Variants in SLFNL1 observed in about 807,000 individuals in gnomAD.
SLFNL1 encodes schlafen-like protein 1.
A neutral mutation model predicts 32.5 loss-of-function variants in SLFNL1; 26 were observed. The observed-to-expected ratio is 0.80, with a 90% CI of 0.59 to 1.11. The LOEUF is 1.11. Ranked by LOEUF, SLFNL1 falls within the 50% of genes least tolerant of loss-of-function variation. The pLI is 0.00. For missense variants in SLFNL1, 553 were observed against 546.5 expected, an observed-to-expected ratio of 1.01 and a Z score of -0.12; for synonymous variants, 255 against 242.2, an observed-to-expected ratio of 1.05 and a Z score of -0.49.
At chr1:41,021,431 A>T (rs1643825492) in intron 1 of SLFNL1, 192 bp downstream of exon 1, 1 of 152,586 alleles carries the variant, frequency 6.6e-6, no homozygotes, top group African/African-American at 2.4e-5. Context: ...CGAGGGTTAG[A>T]GTTGGGGCCC....
chr1:41,017,743 C>T lies in SLFNL1; in HGVS notation c.849G>A (p.Leu283=), dbSNP rs1309867797. 1 of 1,606,378 alleles carries T rather than the reference C, an allele frequency of 6.2e-7. No homozygotes were observed. Among genetic ancestry groups the T allele is most frequent in the Non-Finnish European group, 8.5e-7 (1 of 1,175,044 alleles). Residue 283 remains leucine, a synonymous_variant, in exon 4 of 6, where the codon CTG becomes CTA. Coordinates refer to ENST00000302946, the MANE Select transcript of SLFNL1 (RefSeq NM_144990.4). This position sits in a 1 kb window ranked among gnomAD's most constrained non-coding sequence, Gnocchi z 4.9. ...AGCCCTGCAGGATGGAGTCCACCAGCAGGCGTGCGCGGTCCTCGTCACGGT... is the reference window on the plus strand; with the variant it reads ...AGCCCTGCAGGATGGAGTCCACCAGTAGGCGTGCGCGGTCCTCGTCACGGT... The part of the protein sequence containing the change: ...CSHRDEDRAR[L]LVDSILQGFK...
In SLFNL1 at chr1:41,017,352, G is replaced by T. The variant is rs371877920; in HGVS notation, c.983C>A (p.Pro328His). Residue 328 changes from proline to histidine, a missense_variant, in exon 5 of 6, where the codon CCC becomes CAC. Pro to His is a moderately conservative substitution (Grantham distance 77). Transcript: ENST00000302946. This position sits in a 1 kb window ranked among gnomAD's most constrained non-coding sequence, Gnocchi z 4.9. ...GAGTTGCGGCTGGCTCTGGGCCTTG[G>T]GGGTGTGCACGGTCAGGCGGATCAC... ...LKVIRLTVHT[P>H]KAQSQPQLYQ... 6.2e-7 allele frequency: 1 copy of T among 1,613,770 alleles called. No homozygotes were observed. Among genetic ancestry groups the T allele is most frequent in the Non-Finnish European group, 8.5e-7 (1 of 1,179,932 alleles).
Position 41,017,740 on chromosome 1 carries a change from C to T in SLFNL1, c.852G>A (p.Leu284=), listed in dbSNP as rs754495740. 3.7e-6 allele frequency: 6 copies of T among 1,606,190 alleles called. No individual in the cohort carries two copies. The highest frequency in any genetic ancestry group is 2.7e-5 in the African/African-American group (2 of 74,808). ...SHRDEDRARL[L]VDSILQGFKP... ...TGAAGCCCTGCAGGATGGAGTCCAC[C>T]AGCAGGCGTGCGCGGTCCTCGTCAC... Residue 284 remains leucine, a synonymous_variant, in exon 4 of 6, where the codon CTG becomes CTA. Transcript: ENST00000302946. This position sits in a 1 kb window ranked among gnomAD's most constrained non-coding sequence, Gnocchi z 4.9.
chr1:41,020,106 G>A, intron 3 of SLFNL1, 120 bp downstream of exon 3: 1 of 1,042,826 alleles, frequency 9.6e-7, no homozygotes, highest in Non-Finnish European at 1.4e-6. Context: ...CCCCAAGTTT[G>A]CAGATTTGTC....
chr1:41,019,992 T>C (rs1210178944), intron 3 of SLFNL1, among the ~76,000 whole-genome samples: 1 of 152,240 alleles, frequency 6.6e-6, no homozygotes, highest in Non-Finnish European at 1.5e-5. Context: ...GGTCCCCTCG[T>C]GGCCTTTCTT....
In SLFNL1 at chr1:41,017,803, C is replaced by T. The variant is rs751943831; in HGVS notation, c.789G>A (p.Glu263=). The T allele has an allele frequency of 2.5e-6, 4 of 1,601,554 alleles. No homozygotes were observed. The highest frequency in any genetic ancestry group is 2.2e-5 in the East Asian group (1 of 44,594). Reference sequence around the variant, plus strand: ...GGATGCCCTGCACCAGGCCGCTGTCCTCTACTCCCACGAGCAGGCTGCCGC... The same window carrying T: ...GGATGCCCTGCACCAGGCCGCTGTCTTCTACTCCCACGAGCAGGCTGCCGC... ...SEGGSLLVGV[E]DSGLVQGIRC... is the part of the protein sequence containing the mutation. The change falls in exon 4 of 6, where the codon GAG becomes GAA. Residue 263 remains glutamate, a synonymous_variant. Coordinates refer to ENST00000302946, the MANE Select transcript of SLFNL1 (RefSeq NM_144990.4). The surrounding 1 kb of genome is among the most constrained non-coding windows in gnomAD (Gnocchi z 4.9).
Position 41,018,075 on chromosome 1 carries a change from T to C in SLFNL1, c.517A>G (p.Thr173Ala). ...GSGVPLPTWP[T>A]HTLPDRPQAQ... ...TGGGGCCTATCAGGCAGCGTGTGTG[T>C]AGGCCAGGTGGGCAGCGGGACACCA... The change falls in exon 4 of 6, where the codon ACA becomes GCA. Residue 173 changes from threonine (T) to alanine (A), a missense_variant. Thr to Ala is a moderately conservative substitution (Grantham distance 58). Transcript: ENST00000302946. 1 of 1,572,938 alleles carries C rather than the reference T, an allele frequency of 6.4e-7. No individual in the cohort carries two copies. The highest frequency in any genetic ancestry group is 1.8e-5 in the Admixed American group (1 of 55,482).
chr1:41,016,183 G>A lies in SLFNL1; in HGVS notation c.1147C>T (p.Leu383=). 6.2e-7 allele frequency: 1 copy of A among 1,614,148 alleles called. No homozygotes were observed. The highest frequency in any genetic ancestry group is 8.5e-7 in the Non-Finnish European group (1 of 1,180,016). Residue 383 remains leucine, a synonymous_variant, in exon 6 of 6, where the codon CTG becomes TTG. Coordinates refer to ENST00000302946, the MANE Select transcript of SLFNL1 (RefSeq NM_144990.4). ...TGGAGCTGCTCCTTCTCCATCATCAGCGCCTTCATCTTCTCTTCCAGCTTG... is the reference window on the plus strand; with the variant it reads ...TGGAGCTGCTCCTTCTCCATCATCAACGCCTTCATCTTCTCTTCCAGCTTG... The part of the protein sequence containing the change: ...LGKLEEKMKA[L]MMEKEQLQQQ...
At chr1:41,016,355 A>G (rs1034170019) in intron 5 of SLFNL1, 127 bp from the exon 6 acceptor site, 30 of 1,426,190 alleles carry the variant, frequency 2.1e-5, no homozygotes, top group Non-Finnish European at 2.0e-5. Flanking sequence ...CAGCTAGGGG[A>G]AAAGTCAGGC....
intron 3 of SLFNL1, chr1:41,018,444 T>G (rs756786133): frequency 1.9e-5 from 7 of 374,110 alleles, no homozygotes; most frequent in Non-Finnish European, 2.9e-5. Context: ...GATTTCTGCT[T>G]CTCAGGGCTG....
intron 3 of SLFNL1, chr1:41,018,478 ATTTTTTCT>A: frequency 3.7e-6 from 1 of 272,264 alleles, no homozygotes; most frequent in Non-Finnish European, 6.9e-6. Context: ...GTGTGGGCCC[ATTTTTTCT>A]TACTTGGGTT....
At position 41,020,382 on chromosome 1, in the gene SLFNL1, A is replaced by T; in HGVS notation, c.279T>A (p.Tyr93Ter). 1 of 1,613,322 alleles carries T rather than the reference A, an allele frequency of 6.2e-7. No homozygotes were observed. The highest frequency in any genetic ancestry group is 8.5e-7 in the Non-Finnish European group (1 of 1,180,028). The change falls in exon 3 of 6, where the codon TAT becomes TAA. Residue 93 changes from tyrosine to a stop codon, truncating the protein, a stop_gained. Transcript: ENST00000302946. LOFTEE classifies it high-confidence loss of function. The part of the protein sequence containing the change: ...IEVVRRPRKA[Y>*]ALVQVTVHRD... ...TGTGGACAGTCACCTGCACCAGTGC[A>T]TAGGCCTTCCGCGGCCGCCTCACCA... is the stretch of plus-strand genomic sequence containing the variant.
At chr1:41,016,289 C>G in intron 5 of SLFNL1, 61 bp from the exon 6 acceptor site, 12 of 1,568,510 alleles carry the variant, frequency 7.7e-6, no homozygotes, top group Middle Eastern at 1.7e-4. Flanking sequence ...TGTCCGTCCT[C>G]CACCTGGGGC....
In SLFNL1 at chr1:41,018,049, C is replaced by T. The variant is rs765302179; in HGVS notation, c.543G>A (p.Gln181=). The T allele has an allele frequency of 6.3e-7, 1 of 1,591,474 alleles. No homozygotes were observed. ...CCTGGCAGCTCTGCAGCTGCTGGGC[C>T]TGGGGCCTATCAGGCAGCGTGTGTG... ...WPTHTLPDRP[Q]AQQLQSCQGR... Residue 181 remains glutamine (Q), a synonymous_variant, in exon 4 of 6, where the codon CAG becomes CAA. Transcript: ENST00000302946.
intron 1 of SLFNL1, 155 bp from the exon 2 acceptor site, chr1:41,021,025 C>T (rs1303865720): frequency 4.3e-6 from 1 of 232,406 alleles, no homozygotes; most frequent in Non-Finnish European, 8.6e-6. Flanking sequence ...CCCTCCCCAA[C>T]CCACAGGCTA....
At chr1:41,021,403 G>A (rs1643823728) in intron 1 of SLFNL1, 1 of 152,564 alleles carries the variant, frequency 6.6e-6, no homozygotes, top group Admixed American at 6.5e-5. Flanking sequence ...CCAGAGAGCA[G>A]AGGTCAACAG....
Position 41,020,217 on chromosome 1 carries a change from C to T in SLFNL1, c.435+9G>A. 3.8e-6 allele frequency: 6 copies of T among 1,569,440 alleles called. No individual in the cohort carries two copies. The highest frequency in any genetic ancestry group is 4.5e-5 in the East Asian group (2 of 44,476). Reference sequence around the variant, plus strand: ...GCTTTGGAGCTTGCTTGGGAAAAGTCCCACTTACCTCTCTGTGGCTGAAGG... The same window carrying T: ...GCTTTGGAGCTTGCTTGGGAAAAGTTCCACTTACCTCTCTGTGGCTGAAGG... On this transcript the variant is annotated intron_variant, in intron 3 of 5. Transcript: ENST00000302946.
chr1:41,017,403 G>A lies in SLFNL1; in HGVS notation c.958-26C>T. The A allele has an allele frequency of 6.2e-7, 1 of 1,604,616 alleles. No individual in the cohort carries two copies. Among genetic ancestry groups the A allele is most frequent in the Admixed American group, 1.7e-5 (1 of 59,248 alleles). ...CTTGGTAGGGGCAACAGCAGCTCTG[G>A]AGGCGCCGCCCCTCACGGTCGGCAG... On this transcript the variant is annotated intron_variant, in intron 4 of 5. Coordinates refer to ENST00000302946, the MANE Select transcript of SLFNL1 (RefSeq NM_144990.4). The surrounding 1 kb of genome is among the most constrained non-coding windows in gnomAD (Gnocchi z 4.9).
chr1:41,021,064 C>A (rs930529032), intron 1 of SLFNL1, 194 bp from the exon 2 acceptor site: 1 of 187,054 alleles, frequency 5.3e-6, no homozygotes, highest in Non-Finnish European at 1.1e-5. Context: ...TCAGGGTTTC[C>A]TGCCTACCAG....
Sources: gnomAD v4.1 joint callset for allele counts (sites outside exome capture counted in the v4.1 genomes callset) on GRCh38, gnomAD v4.1.1 for gene constraint, Gnocchi (gnomAD v3.1) non-coding constraint, MANE v1.5 for transcripts, NCBI Gene and HGNC (gene_info 2026-07-23, HGNC 2026-07-21) for gene names.